Variants in ADGRL3 observed in about 807,000 individuals in gnomAD.
The protein encoded by ADGRL3 is adhesion G protein-coupled receptor L3, also known as calcium-independent alpha-latrotoxin receptor 3.
ADGRL3 carries 62 observed loss-of-function variants against 153.5 expected under a neutral mutation model. The observed-to-expected ratio is 0.40, with a 90% CI of 0.33 to 0.50. The LOEUF is 0.50. ADGRL3 is among the 20% of genes least tolerant of loss of function. The pLI, the probability that ADGRL3 is intolerant of heterozygous loss-of-function variation, is 0.47. For synonymous variants in ADGRL3, 710 were observed against 672.5 expected, an observed-to-expected ratio of 1.06 and a Z score of -0.86; for missense variants, 1,641 against 1,859.4, an observed-to-expected ratio of 0.88 and a Z score of 2.16.
At chr4:61,236,259 C>G (rs1560375256) in intron 1 of ADGRL3, among the ~76,000 whole-genome samples, 1 of 152,078 alleles carries the variant, frequency 6.6e-6, no homozygotes, top group South Asian at 2.1e-4. Flanking sequence ...ATCTGCCCAC[C>G]TTGGCCTCCC....
chr4:61,831,428 A>T (rs2148868457), intron 9 of ADGRL3, among the ~76,000 whole-genome samples: 1 of 149,618 alleles, frequency 6.7e-6, no homozygotes, highest in African/African-American at 2.4e-5. Context: ...AAAAAAAAAA[A>T]AAAAAAAAAA....
At chr4:61,965,049 G>A (rs781030438) in intron 17 of ADGRL3, among the ~76,000 whole-genome samples, 4 of 151,914 alleles carry the variant, frequency 2.6e-5, no homozygotes, top group Non-Finnish European at 2.9e-5. Flanking sequence ...CACTCAGGCC[G>A]GAGTGCAGTG....
rs976679008 is a variant in ADGRL3 at position 61,966,464 on chromosome 4, A to G, written c.2806-13099A>G. On this transcript the variant is annotated intron_variant, in intron 17 of 26. Coordinates refer to ENST00000683033, the MANE Select transcript of ADGRL3 (RefSeq NM_001387552.1). ...GAATGATAAAGTGATAAAAATATAC[A>G]TATCTGGGTAACTCATATCTGGTAT... 4.0e-4 allele frequency among the ~76,000 whole-genome samples: 61 copies of G among 152,270 alleles called. 1 individual carries two copies. Among genetic ancestry groups the G allele is most frequent in the Middle Eastern group, 6.8e-3 (2 of 294 alleles).
chr4:61,402,603 T>C (rs1375575891), intron 2 of ADGRL3, among the ~76,000 whole-genome samples: 1 of 152,062 alleles, frequency 6.6e-6, no homozygotes, highest in African/African-American at 2.4e-5. Flanking sequence ...AGAATCTCTT[T>C]CCCTTTGCAT....
intron 1 of ADGRL3, among the ~76,000 whole-genome samples, chr4:61,219,117 T>C (rs941180296): frequency 1.3e-5 from 2 of 152,172 alleles, no homozygotes; most frequent in African/African-American, 4.8e-5. Context: ...CTCAGCTGAT[T>C]CATGTGTAAA....
intron 1 of ADGRL3, among the ~76,000 whole-genome samples, chr4:61,347,817 C>A (rs1017279227): frequency 6.6e-6 from 1 of 152,016 alleles, no homozygotes; most frequent in African/African-American, 2.4e-5. Context: ...TACCTTACCA[C>A]AATAAAATAA....
chr4:61,267,156 C>T (rs1468079694), intron 1 of ADGRL3, among the ~76,000 whole-genome samples: 3 of 151,584 alleles, frequency 2.0e-5, no homozygotes, highest in Non-Finnish European at 4.4e-5. Context: ...ACTTTCAATT[C>T]CATTGGACTA....
At chr4:61,872,089 G>C (rs1337188471) in intron 9 of ADGRL3, among the ~76,000 whole-genome samples, 1 of 152,168 alleles carries the variant, frequency 6.6e-6, no homozygotes, top group African/African-American at 2.4e-5. Flanking sequence ...GAAAATGCCT[G>C]GCACACAGTG....
chr4:61,679,772 T>C (rs2095293102), intron 6 of ADGRL3, among the ~76,000 whole-genome samples: 2 of 152,164 alleles, frequency 1.3e-5, no homozygotes, highest in South Asian at 4.1e-4. Context: ...TTTGGGTCTG[T>C]TTCTAATACC....
At chr4:61,874,434 A>T (rs1294075137) in intron 9 of ADGRL3, among the ~76,000 whole-genome samples, 1 of 152,094 alleles carries the variant, frequency 6.6e-6, no homozygotes. Flanking sequence ...AATCACATAC[A>T]TCCCACCACC....
intron 5 of ADGRL3, among the ~76,000 whole-genome samples, chr4:61,619,554 T>C (rs767859489): frequency 2.0e-5 from 3 of 151,172 alleles, no homozygotes; most frequent in Non-Finnish European, 2.9e-5. Context: ...CACACTCTAA[T>C]CATAACCTCC....
rs532928447 is a variant in ADGRL3 at position 61,430,774 on chromosome 4, A to G, written c.-174+47585A>G. On this transcript the variant is annotated intron_variant, in intron 2 of 26. Coordinates refer to ENST00000683033, the MANE Select transcript of ADGRL3 (RefSeq NM_001387552.1). ...GGGTTGAGAAATTAAATTCACCACT[A>G]AATGACTATGTAGAATTAAATTTTT... Among the ~76,000 whole-genome samples the G allele has an allele frequency of 9.2e-5, 14 of 152,304 alleles. No individual in the cohort carries two copies. In the East Asian group the frequency reaches 2.5e-3, roughly 27 times the overall value.
intron 1 of ADGRL3, among the ~76,000 whole-genome samples, chr4:61,221,429 G>GAAA (rs1745445418): frequency 6.6e-6 from 1 of 152,036 alleles, no homozygotes; most frequent in African/African-American, 2.4e-5. Flanking sequence ...TTCAAGAACT[G>GAAA]CTGTTTCAAC....
intron 13 of ADGRL3, among the ~76,000 whole-genome samples, chr4:61,921,747 C>T (rs1417647136): frequency 1.3e-5 from 2 of 152,126 alleles, no homozygotes; most frequent in Non-Finnish European, 2.9e-5. Flanking sequence ...ACTATTTTTA[C>T]TCATATCTAT....
intron 8 of ADGRL3, among the ~76,000 whole-genome samples, chr4:61,802,641 G>A (rs1182652558): frequency 6.6e-6 from 1 of 152,014 alleles, no homozygotes; most frequent in Non-Finnish European, 1.5e-5. Flanking sequence ...CCAGACCTGG[G>A]TAATAGATTC....
At chr4:61,240,853 A>G (rs1430087345) in intron 1 of ADGRL3, among the ~76,000 whole-genome samples, 1 of 152,068 alleles carries the variant, frequency 6.6e-6, no homozygotes, top group African/African-American at 2.4e-5. Flanking sequence ...GCATAGGGCT[A>G]GGGACATAGG....
chr4:62,034,015 G>A (rs985611541), intron 23 of ADGRL3, among the ~76,000 whole-genome samples: 1 of 151,474 alleles, frequency 6.6e-6, no homozygotes, highest in African/African-American at 2.4e-5. Context: ...GCATATCACT[G>A]GAATAAGTAA....
chr4:61,887,421 CTA>C (rs1173861873), intron 9 of ADGRL3, among the ~76,000 whole-genome samples: 8 of 152,112 alleles, frequency 5.3e-5, no homozygotes, highest in African/African-American at 1.4e-4. Flanking sequence ...TGTTTAGTTA[CTA>C]CTTGTATGAT....
chr4:61,290,501 AG>A (rs2094133093), intron 1 of ADGRL3, among the ~76,000 whole-genome samples: 1 of 152,042 alleles, frequency 6.6e-6, no homozygotes, highest in Non-Finnish European at 1.5e-5. Flanking sequence ...TATTTTAGCC[AG>A]GTGTGGTGGC....
Sources: gnomAD v4.1 joint callset for allele counts (sites outside exome capture counted in the v4.1 genomes callset) on GRCh38, gnomAD v4.1.1 for gene constraint, MANE v1.5 for transcripts, NCBI Gene and HGNC (gene_info 2026-07-23, HGNC 2026-07-21) for gene names.